Variants in BCL9 observed in about 807,000 individuals in gnomAD.
BCL9 encodes BCL9 transcription coactivator.
Under a neutral mutation model 88.5 loss-of-function variants are expected in BCL9, and 25 were observed. The ratio of observed to expected loss-of-function variants is 0.28; its 90% CI spans 0.21 to 0.39. The LOEUF (loss-of-function observed/expected upper bound fraction) is 0.39. Ranked by LOEUF, BCL9 falls within the 10% of genes least tolerant of loss-of-function variation. BCL9 has a pLI of 1.00. For synonymous variants in BCL9, 711 were observed against 673.3 expected, an observed-to-expected ratio of 1.06 and a Z score of -0.87; for missense variants, 1,817 against 1,877.8, an observed-to-expected ratio of 0.97 and a Z score of 0.60.
chr1:147,551,944 T>C (rs1553194849), intron 1 of BCL9, among the ~76,000 whole-genome samples: 1 of 152,218 alleles, frequency 6.6e-6, no homozygotes, highest in African/African-American at 2.4e-5. Flanking sequence ...TTAACAAATA[T>C]GATAAATATC....
rs782109171 is a variant in BCL9 at position 147,623,285 on chromosome 1, A to G, written c.3164-557A>G. On this transcript the variant is annotated intron_variant, in intron 9 of 9. Coordinates refer to ENST00000234739, the MANE Select transcript of BCL9 (RefSeq NM_004326.4). ...TCCAACAGAGACACCAAATACTTCA[A>G]TGTCCCAGGGACTGTATTAGAATAT... Among the ~76,000 whole-genome samples the G allele has an allele frequency of 5.9e-5, 9 of 152,146 alleles. No homozygotes were observed. In the East Asian group the frequency reaches 7.7e-4, roughly 13 times the overall value.
chr1:147,611,953 A>G (rs1658028263), intron 4 of BCL9, 64 bp downstream of exon 4: 4 of 1,475,052 alleles, frequency 2.7e-6, no homozygotes, highest in Admixed American at 3.5e-5. Flanking sequence ...CATCATGAAC[A>G]CTCATTGGTG....
chr1:147,549,861 T>G (rs1369451354), intron 1 of BCL9, among the ~76,000 whole-genome samples: 1 of 152,178 alleles, frequency 6.6e-6, no homozygotes, highest in Non-Finnish European at 1.5e-5. Flanking sequence ...ACTCACTGCT[T>G]TGATCTTCTA....
At chr1:147,609,047 A>G (rs1553202313) in intron 3 of BCL9, among the ~76,000 whole-genome samples, 1 of 152,230 alleles carries the variant, frequency 6.6e-6, no homozygotes, top group African/African-American at 2.4e-5. Flanking sequence ...ACTCAGAACA[A>G]TGCATGGCAC....
intron 1 of BCL9, among the ~76,000 whole-genome samples, chr1:147,567,124 T>G (rs1553196813): frequency 6.6e-6 from 1 of 152,232 alleles, no homozygotes; most frequent in African/African-American, 2.4e-5. Context: ...TTATGTATTA[T>G]TTGATTAATT....
intron 3 of BCL9, among the ~76,000 whole-genome samples, chr1:147,608,235 A>G (rs1657820148): frequency 6.6e-6 from 1 of 151,812 alleles, no homozygotes; most frequent in South Asian, 2.1e-4. Flanking sequence ...TAAAGGTCGA[A>G]TGGCAAGTGA....
chr1:147,561,366 A>T (rs782086778), intron 1 of BCL9, among the ~76,000 whole-genome samples: 71 of 152,034 alleles, frequency 4.7e-4, no homozygotes, highest in Non-Finnish European at 7.8e-4. Flanking sequence ...ATTTTCAGCA[A>T]CTCCCAAGTG....
intron 1 of BCL9, among the ~76,000 whole-genome samples, chr1:147,579,947 C>T (rs1656287772): frequency 1.3e-5 from 2 of 152,202 alleles, no homozygotes; most frequent in South Asian, 2.1e-4. Flanking sequence ...TTCATTCATT[C>T]TTCCTCTTCT....
At chr1:147,603,879 T>G (rs1294137884) in intron 1 of BCL9, among the ~76,000 whole-genome samples, 1 of 152,240 alleles carries the variant, frequency 6.6e-6, no homozygotes, top group Admixed American at 6.5e-5. Context: ...AGGACCCCCT[T>G]CTGAGAACGT....
In BCL9 at chr1:147,619,511, C is replaced by T; in HGVS notation, c.1356C>T (p.Ser452=). ...AAATGGTTCCACCTTCTATGAACTC[C>T]CAGTCTGGGACCATAGGACCCGACC... ...PDEMVPPSMN[S]QSGTIGPDHL... is the part of the protein sequence containing the mutation. The change falls in exon 8 of 10, where the codon TCC becomes TCT. Residue 452 remains serine (S), a synonymous_variant. Coordinates refer to ENST00000234739, the MANE Select transcript of BCL9 (RefSeq NM_004326.4). The surrounding 1 kb of genome is among the most constrained non-coding windows in gnomAD (Gnocchi z 4.1). 6.2e-7 allele frequency: 1 copy of T among 1,614,070 alleles called. No homozygotes were observed. The highest frequency in any genetic ancestry group is 1.1e-5 in the South Asian group (1 of 91,074).
intron 1 of BCL9, among the ~76,000 whole-genome samples, chr1:147,588,292 T>C (rs6695965): frequency 0.33 from 50,266 of 152,128 alleles, 14,617 homozygotes; most frequent in African/African-American, 0.77. Flanking sequence ...CTGACTTGGC[T>C]GAACCCTCAA....
intron 1 of BCL9, among the ~76,000 whole-genome samples, chr1:147,558,624 C>G (rs587738313): frequency 1.3e-5 from 2 of 152,106 alleles, no homozygotes; most frequent in Non-Finnish European, 2.9e-5. Context: ...GTGAGCCTTA[C>G]GCATCTTACC....
intron 1 of BCL9, among the ~76,000 whole-genome samples, chr1:147,575,831 T>C (rs1656084363): frequency 6.6e-6 from 1 of 152,218 alleles, no homozygotes; most frequent in Non-Finnish European, 1.5e-5. Context: ...ACTAATGTGA[T>C]GTATAAATGC....
chr1:147,624,202 G>A lies in BCL9; in HGVS notation c.3524G>A (p.Gly1175Asp). ...FPGGMGFPGE[G>D]PLGRPSNLPQ... Reference sequence around the variant, plus strand: ...GGAGGGATGGGTTTCCCAGGAGAAGGCCCCCTTGGCCGCCCCAGCAACCTG... The same window carrying A: ...GGAGGGATGGGTTTCCCAGGAGAAGACCCCCTTGGCCGCCCCAGCAACCTG... The change falls in exon 10 of 10, where the codon GGC (glycine) becomes GAC (aspartate). Residue 1175 changes from glycine (G) to aspartate (D), a missense_variant. This residue lies in a region of BCL9 where 589 missense variants were observed against 686.2 expected (regional missense o/e 0.86). Coordinates refer to ENST00000234739, the MANE Select transcript of BCL9 (RefSeq NM_004326.4). The surrounding 1 kb of genome is among the most constrained non-coding windows in gnomAD (Gnocchi z 4.4). 2 of 1,609,866 alleles carry A rather than the reference G, an allele frequency of 1.2e-6. No individual in the cohort carries two copies. The highest frequency in any genetic ancestry group is 1.7e-6 in the Non-Finnish European group (2 of 1,176,958).
chr1:147,592,466 T>G (rs1553200015), intron 1 of BCL9, among the ~76,000 whole-genome samples: 1 of 152,160 alleles, frequency 6.6e-6, no homozygotes, highest in East Asian at 1.9e-4. Flanking sequence ...CAGTTAGCAG[T>G]TAAGGAGGAT....
At chr1:147,547,398 A>T (rs1553194362) in intron 1 of BCL9, among the ~76,000 whole-genome samples, 1 of 152,166 alleles carries the variant, frequency 6.6e-6, no homozygotes, top group Non-Finnish European at 1.5e-5. Context: ...ATTTCACACA[A>T]TGGCTCTTAA....
chr1:147,548,085 C>G (rs1654686404), intron 1 of BCL9, among the ~76,000 whole-genome samples: 1 of 152,152 alleles, frequency 6.6e-6, no homozygotes, highest in Non-Finnish European at 1.5e-5. Context: ...CTGTCATTTG[C>G]TCAGAAGAGA....
At chr1:147,614,919 A>T (rs1050191973) in intron 6 of BCL9, among the ~76,000 whole-genome samples, 2 of 150,768 alleles carry the variant, frequency 1.3e-5, no homozygotes, top group African/African-American at 4.9e-5. Flanking sequence ...GCCCACTGCA[A>T]CCTCCACCTC....
intron 1 of BCL9, among the ~76,000 whole-genome samples, chr1:147,585,210 A>G (rs1251902834): frequency 6.6e-6 from 1 of 152,218 alleles, no homozygotes; most frequent in African/African-American, 2.4e-5. Flanking sequence ...ACATATAATT[A>G]GAGATGTGTT....
Sources: gnomAD v4.1 joint callset for allele counts (sites outside exome capture counted in the v4.1 genomes callset) on GRCh38, gnomAD v4.1.1 for gene constraint, gnomAD v4.1.1 regional missense constraint, Gnocchi (gnomAD v3.1) non-coding constraint, MANE v1.5 for transcripts, NCBI Gene and HGNC (gene_info 2026-07-23, HGNC 2026-07-21) for gene names.